DNAH7: variants seen among roughly 807,000 people sequenced by gnomAD.
DNAH7 encodes the protein dynein axonemal heavy chain 7.
Under a neutral mutation model 444.6 loss-of-function variants are expected in DNAH7, and 397 were observed. That is an observed-to-expected ratio of 0.89 (90% CI 0.82 to 0.97). The LOEUF (loss-of-function observed/expected upper bound fraction) is 0.97, where lower values mean the gene tolerates loss of function less well. DNAH7 is among the 50% of genes least tolerant of loss of function. The pLI is 0.00. For synonymous variants in DNAH7, 1,636 were observed against 1,624.4 expected (o/e 1.01, Z -0.17); for missense variants, 4,902 against 4,800.8 (o/e 1.02, Z -0.62).
At position 195,888,423 on chromosome 2, in the gene DNAH7, A is replaced by T. The variant is rs1701830208; in HGVS notation, c.5241T>A (p.Cys1747Ter). 6.3e-7 allele frequency: 1 copy of T among 1,587,582 alleles called. No individual in the cohort carries two copies. Among genetic ancestry groups the T allele is most frequent in the Non-Finnish European group, 8.5e-7 (1 of 1,172,874 alleles). ...TGTGAGGCTCCATGTAAATCATGCC[A>T]CATCTGGAAACCTGGAAAGCCATAA... ...EVASPATVSR[C>*]GMIYMEPHML... Residue 1747 changes from cysteine to a stop codon, truncating the protein, a stop_gained, in exon 33 of 65, where the codon TGT becomes TGA. Coordinates refer to ENST00000312428, the MANE Select transcript of DNAH7 (RefSeq NM_018897.3). LOFTEE classifies it high-confidence loss of function.
Position 195,923,760 on chromosome 2 carries a change from A to C in DNAH7, c.3660T>G (p.Ile1220Met). Residue 1220 changes from isoleucine (I) to methionine (M), a missense_variant, in exon 23 of 65, where the codon ATT (isoleucine) becomes ATG (methionine). Ile to Met is a conservative substitution (Grantham distance 10). Coordinates refer to ENST00000312428, the MANE Select transcript of DNAH7 (RefSeq NM_018897.3). ...LKTCNRQIDDIVTLVRGKLSM... is the reference protein window; with the variant it reads ...LKTCNRQIDDMVTLVRGKLSM... ...ACAATTTGCCACGCACCAAAGTGAC[A>C]ATATCATCAATTTGTCTGTTACATG... 1.2e-6 allele frequency: 2 copies of C among 1,614,196 alleles called. No homozygotes were observed. Among genetic ancestry groups the C allele is most frequent in the Non-Finnish European group, 8.5e-7 (1 of 1,180,028 alleles).
At chr2:195,873,490 T>TA in intron 39 of DNAH7, 78 bp downstream of exon 39, 1 of 917,148 alleles carries the variant, frequency 1.1e-6, no homozygotes, top group Non-Finnish European at 1.5e-6. Flanking sequence ...TTCTTTGAAA[T>TA]ACGCTACTTA....
intron 48 of DNAH7, among the ~76,000 whole-genome samples, chr2:195,826,239 A>C (rs1697739041): frequency 6.6e-6 from 1 of 152,198 alleles, no homozygotes. Flanking sequence ...TTTCCTGAAA[A>C]GCTGTAGAGA....
At chr2:195,826,701 T>G (rs1190180360) in intron 48 of DNAH7, among the ~76,000 whole-genome samples, 2 of 152,182 alleles carry the variant, frequency 1.3e-5, no homozygotes, top group Non-Finnish European at 2.9e-5. Flanking sequence ...GGATATATTA[T>G]TTACAATTAG....
chr2:195,938,934 A>C (rs1464043856), intron 19 of DNAH7, among the ~76,000 whole-genome samples: 1 of 152,166 alleles, frequency 6.6e-6, no homozygotes, highest in East Asian at 1.9e-4. Context: ...TAAAGACTGT[A>C]TCAGATAAAG....
chr2:196,015,955 C>CA (rs1694993960), intron 9 of DNAH7, among the ~76,000 whole-genome samples: 1 of 152,194 alleles, frequency 6.6e-6, no homozygotes, highest in Admixed American at 6.5e-5. Context: ...CCACAGACTG[C>CA]AAGGCTTCTT....
intron 10 of DNAH7, among the ~76,000 whole-genome samples, chr2:196,008,581 C>A (rs1209105965): frequency 2.0e-5 from 3 of 152,162 alleles, no homozygotes; most frequent in African/African-American, 7.2e-5. Flanking sequence ...TTTGGCCATA[C>A]TGAAGTATCA....
intron 36 of DNAH7, 47 bp downstream of exon 36, chr2:195,881,748 T>G: frequency 1.6e-5 from 25 of 1,539,002 alleles, no homozygotes; most frequent in Non-Finnish European, 2.2e-5. Flanking sequence ...AAAACATTCT[T>G]AGGAAGATTA....
chr2:196,043,722 A>G (rs1433723847), intron 5 of DNAH7, among the ~76,000 whole-genome samples: 1 of 152,018 alleles, frequency 6.6e-6, no homozygotes, highest in Admixed American at 6.6e-5. Context: ...AAGAAAAAAA[A>G]TCCCATCAAA....
chr2:195,897,925 G>A (rs1440977036), intron 28 of DNAH7, among the ~76,000 whole-genome samples, 160 bp from the exon 29 acceptor site: 1 of 151,986 alleles, frequency 6.6e-6, no homozygotes, highest in Non-Finnish European at 1.5e-5. Flanking sequence ...TTTAGAAACT[G>A]ACATTTAAAC....
intron 15 of DNAH7, among the ~76,000 whole-genome samples, chr2:195,975,840 G>A (rs1692153286): frequency 6.6e-6 from 1 of 152,136 alleles, no homozygotes; most frequent in African/African-American, 2.4e-5. Context: ...CTTGAAGGGA[G>A]GGATGCAGTC....
At chr2:195,885,714 C>G (rs958920252) in intron 34 of DNAH7, among the ~76,000 whole-genome samples, 1 of 152,098 alleles carries the variant, frequency 6.6e-6, no homozygotes, top group Non-Finnish European at 1.5e-5. Context: ...ATCCAAATAT[C>G]TATTTATACA....
Position 195,754,424 on chromosome 2 carries a change from C to T in DNAH7, c.11677G>A (p.Ala3893Thr), listed in dbSNP as rs369244613. The T allele has an allele frequency of 6.8e-6, 11 of 1,613,988 alleles. No homozygotes were observed. Among genetic ancestry groups the T allele is most frequent in the East Asian group, 2.2e-5 (1 of 44,876 alleles). ...TCAATAGGAATTGTGTATTTCCTGG[C>T]GTAGTTCTGCTGGGCACCGGTCAGG... ...AFLTGAQQNY[A>T]RKYTIPIDLL... The change falls in exon 63 of 65, where the codon GCC becomes ACC. Residue 3893 changes from alanine (A) to threonine (T), a missense_variant. Coordinates refer to ENST00000312428, the MANE Select transcript of DNAH7 (RefSeq NM_018897.3).
intron 48 of DNAH7, among the ~76,000 whole-genome samples, chr2:195,829,326 CCTTT>C (rs897105753): frequency 2.1e-4 from 31 of 150,700 alleles, no homozygotes; most frequent in African/African-American, 5.1e-4. Context: ...AATTTTGTTT[CCTTT>C]CTTTTTTTGT....
intron 19 of DNAH7, among the ~76,000 whole-genome samples, chr2:195,947,081 TTA>T (rs1012593401): frequency 6.7e-6 from 1 of 148,222 alleles, no homozygotes; most frequent in Non-Finnish European, 1.5e-5. Context: ...ATAAAGCCAA[TTA>T]TATATATATT....
At position 196,068,813 on chromosome 2, in the gene DNAH7, A is replaced by C; in HGVS notation, c.-102T>G. ...GGGCCCCGGGACTTGCAGCGGTCTCAGCTCCCTCCGCACCAGAGCCGTCTA... is the reference window on the plus strand; with the variant it reads ...GGGCCCCGGGACTTGCAGCGGTCTCCGCTCCCTCCGCACCAGAGCCGTCTA... On this transcript the variant is annotated 5_prime_UTR_variant, in exon 1 of 65. Coordinates refer to ENST00000312428, the MANE Select transcript of DNAH7 (RefSeq NM_018897.3). 3 of 1,454,888 alleles carry C rather than the reference A, an allele frequency of 2.1e-6. No homozygotes were observed. Among genetic ancestry groups the C allele is most frequent in the Non-Finnish European group, 2.8e-6 (3 of 1,071,890 alleles). 90.1% of individuals were successfully genotyped at this position (1,454,888 alleles called of 1,614,324 possible). A position where few individuals can be genotyped will look rare whatever the true frequency, so the allele number is the denominator to read the frequency against.
chr2:196,018,013 C>T (rs1484505422), intron 9 of DNAH7, among the ~76,000 whole-genome samples: 2 of 152,070 alleles, frequency 1.3e-5, no homozygotes, highest in South Asian at 2.1e-4. Flanking sequence ...AAATTATAAA[C>T]CTAAGTTTTA....
At chr2:195,978,537 G>T (rs894674724) in intron 15 of DNAH7, among the ~76,000 whole-genome samples, 37 of 151,934 alleles carry the variant, frequency 2.4e-4, no homozygotes, top group African/African-American at 8.5e-4. Context: ...CAAAATGGCA[G>T]GAGTATAGCC....
At chr2:196,022,301 A>T (rs542099547) in intron 8 of DNAH7, among the ~76,000 whole-genome samples, 1 of 152,282 alleles carries the variant, frequency 6.6e-6, no homozygotes, top group African/African-American at 2.4e-5. Context: ...CATCTGCCAC[A>T]TCCTCAATTG....
Sources: gnomAD v4.1 joint callset for allele counts (sites outside exome capture counted in the v4.1 genomes callset) on GRCh38, gnomAD v4.1.1 for gene constraint, MANE v1.5 for transcripts, NCBI Gene and HGNC (gene_info 2026-07-23, HGNC 2026-07-21) for gene names.